SLC28A1: variants seen among roughly 807,000 people sequenced by gnomAD.
The protein encoded by SLC28A1 is sodium/nucleoside cotransporter 1.
SLC28A1 carries 64 observed loss-of-function variants against 74.8 expected under a neutral mutation model. The observed-to-expected ratio is 0.86, with a 90% CI of 0.70 to 1.05. SLC28A1 has a LOEUF of 1.05. Ranked by LOEUF, SLC28A1 falls within the 50% of genes least tolerant of loss-of-function variation. The probability of loss-of-function intolerance (pLI) is 0.00; values close to 1 mark genes in which losing one functional copy is unlikely to be tolerated. For synonymous variants in SLC28A1, 359 were observed against 335.0 expected, an observed-to-expected ratio of 1.07 and a Z score of -0.78; for missense variants, 828 against 822.8, an observed-to-expected ratio of 1.01 and a Z score of -0.08.
At chr15:84,899,936 A>AAGGAAGG (rs1567129840) in intron 6 of SLC28A1, among the ~76,000 whole-genome samples, 1 of 70,860 alleles carries the variant, frequency 1.4e-5, no homozygotes, top group Non-Finnish European at 3.5e-5. Context: ...GGAAAGAAAG[A>AAGGAAGG]AAGAAAGGAA....
chr15:84,944,604 A>T lies in SLC28A1; in HGVS notation c.1702A>T (p.Ile568Leu). The change falls in exon 17 of 19, where the codon ATA (isoleucine) becomes TTA (leucine). Residue 568 changes from isoleucine (I) to leucine (L), a missense_variant. Physicochemically the swap from Ile to Leu is conservative, Grantham distance 5. Coordinates refer to ENST00000394573, the MANE Select transcript of SLC28A1 (RefSeq NM_004213.5). ...VPQRKSDFSQ[I>L]VLRALFTGAC... is the part of the protein sequence containing the mutation. The stretch of plus-strand genomic sequence containing the variant: ...CCAACGGAAGAGCGACTTCTCCCAG[A>T]TAGTGCTCCGGGCGCTCTTCACGGG... 1.2e-6 allele frequency: 2 copies of T among 1,614,102 alleles called. No individual in the cohort carries two copies. The highest frequency in any genetic ancestry group is 2.2e-5 in the East Asian group (1 of 44,872).
Position 84,935,535 on chromosome 15 carries a change from C to G in SLC28A1, c.1581+17C>G. The G allele has an allele frequency of 6.2e-7, 1 of 1,606,670 alleles. No homozygotes were observed. Among genetic ancestry groups the G allele is most frequent in the Non-Finnish European group, 8.5e-7 (1 of 1,176,132 alleles). On this transcript the variant is annotated intron_variant, in intron 15 of 18. Transcript: ENST00000394573. ...TGGATCTCCGTGAGTGTCCCAGTCC[C>G]TTCCCTGCAGCAGGGGGATGACACG...
chr15:84,947,977 T>A (rs749414704), downstream of SLC28A1, among the ~76,000 whole-genome samples: 12 of 150,042 alleles, frequency 8.0e-5, no homozygotes, highest in Admixed American at 1.3e-4. Flanking sequence ...TTTAATAGTT[T>A]ATTTTTTAAA....
rs17222393 is a variant in SLC28A1 at position 84,935,523 on chromosome 15, G to A, written c.1581+5G>A. Reference sequence around the variant, plus strand: ...GACAGGAAGCAGTGGATCTCCGTGAGTGTCCCAGTCCCTTCCCTGCAGCAG... The same window carrying A: ...GACAGGAAGCAGTGGATCTCCGTGAATGTCCCAGTCCCTTCCCTGCAGCAG... On this transcript the variant is annotated splice_donor_5th_base_variant and intron_variant, in intron 15 of 18. Coordinates refer to ENST00000394573, the MANE Select transcript of SLC28A1 (RefSeq NM_004213.5). The A allele has an allele frequency of 1.3e-4, 213 of 1,611,442 alleles. 3 individuals carry two copies. The South Asian group carries it at 2.0e-3, about 15-fold the overall frequency.
At chr15:84,888,190 G>A (rs1015587067) in intron 3 of SLC28A1, among the ~76,000 whole-genome samples, 3 of 152,112 alleles carry the variant, frequency 2.0e-5, no homozygotes, top group Admixed American at 1.3e-4. Flanking sequence ...CCAGATGATG[G>A]GGGAGGGGGG....
Position 84,886,742 on chromosome 15 carries a change from G to A in SLC28A1, c.-62G>A, listed in dbSNP as rs755210278. The A allele has an allele frequency of 6.1e-6, 6 of 985,366 alleles. No homozygotes were observed. In the East Asian group the frequency reaches 3.4e-4, roughly 56 times the overall value. 61.0% of individuals were successfully genotyped at this position (985,366 alleles called of 1,614,324 possible). A position where few individuals can be genotyped will look rare whatever the true frequency, so the allele number is the denominator to read the frequency against. ...GGACCCAGCTTGTCCCCACAGAGAC[G>A]TGTGCTTCCCTCTCTCTCTGAGAGC... On this transcript the variant is annotated 5_prime_UTR_variant, in exon 2 of 19. It adds an upstream start codon to the 5' untranslated region. Transcript: ENST00000394573.
At chr15:84,968,416 G>A in the SLC28A1 span, among the ~76,000 whole-genome samples, 14,292 of 152,238 alleles carry the variant, frequency 0.094, 971 homozygotes, top group African/African-American at 0.19. Flanking sequence ...TCACAAGGCT[G>A]TTGACAGAGG....
At chr15:84,937,463 G>T (rs1288086701) in intron 15 of SLC28A1, among the ~76,000 whole-genome samples, 1 of 152,146 alleles carries the variant, frequency 6.6e-6, no homozygotes, top group Admixed American at 6.5e-5. Context: ...TAAAAACAAG[G>T]TTCACTACTT....
At chr15:84,942,159 A>T (rs1972794159) in intron 15 of SLC28A1, among the ~76,000 whole-genome samples, 1 of 152,154 alleles carries the variant, frequency 6.6e-6, no homozygotes, top group Admixed American at 6.5e-5. Flanking sequence ...TTTTGTGGGT[A>T]TATAGTAGGT....
chr15:84,898,010 C>G (rs1417604925), intron 6 of SLC28A1, among the ~76,000 whole-genome samples: 1 of 151,998 alleles, frequency 6.6e-6, no homozygotes. Context: ...GTATATACAC[C>G]ACATTTTCTT....
At chr15:84,922,723 C>T (rs1157572268) in intron 11 of SLC28A1, among the ~76,000 whole-genome samples, 1 of 152,238 alleles carries the variant, frequency 6.6e-6, no homozygotes, top group African/African-American at 2.4e-5. Flanking sequence ...CCCCCTCTGC[C>T]TCTGTCTCAG....
At chr15:84,930,732 A>G (rs1421728136) in intron 12 of SLC28A1, among the ~76,000 whole-genome samples, 1 of 150,084 alleles carries the variant, frequency 6.7e-6, no homozygotes, top group Non-Finnish European at 1.5e-5. Flanking sequence ...CAGCCTCCCA[A>G]ATAGCTAGGA....
chr15:84,935,892 G>T (rs901997733), intron 15 of SLC28A1, among the ~76,000 whole-genome samples: 1 of 151,836 alleles, frequency 6.6e-6, no homozygotes, highest in Non-Finnish European at 1.5e-5. Flanking sequence ...AATGAGCTGG[G>T]AGAGTGAGAT....
chr15:84,907,126 GCTAT>G (rs1198132364), intron 8 of SLC28A1, among the ~76,000 whole-genome samples: 3 of 152,144 alleles, frequency 2.0e-5, no homozygotes, highest in Non-Finnish European at 2.9e-5. Context: ...TGGGGATTTG[GCTAT>G]CTGTCTCATT....
At chr15:84,900,319 G>C (rs7496182) in intron 6 of SLC28A1, among the ~76,000 whole-genome samples, 3,328 of 75,022 alleles carry the variant, frequency 0.044, 10 homozygotes, top group South Asian at 0.15. Flanking sequence ...GACAGAGTGA[G>C]ACACTGTCTC....
intron 10 of SLC28A1, among the ~76,000 whole-genome samples, chr15:84,920,172 G>A (rs985030428): frequency 1.3e-5 from 2 of 152,176 alleles, no homozygotes; most frequent in South Asian, 4.1e-4. Flanking sequence ...CTAGTTGGGC[G>A]TGGTGGCTCA....
chr15:84,919,008 A>C (rs1467243539), intron 10 of SLC28A1, among the ~76,000 whole-genome samples: 1 of 152,102 alleles, frequency 6.6e-6, no homozygotes, highest in Non-Finnish European at 1.5e-5. Flanking sequence ...CACAGAATCT[A>C]GTGCTGACCA....
At chr15:84,934,793 A>C (rs1199241861) in intron 13 of SLC28A1, among the ~76,000 whole-genome samples, 1 of 152,178 alleles carries the variant, frequency 6.6e-6, no homozygotes, top group Non-Finnish European at 1.5e-5. Context: ...CTCAATTCAG[A>C]CAGCCTCCTG....
At chr15:84,959,279 A>AT in the SLC28A1 span, among the ~76,000 whole-genome samples, 2 of 151,172 alleles carry the variant, frequency 1.3e-5, no homozygotes, top group African/African-American at 2.4e-5. Flanking sequence ...TAATTTTTGT[A>AT]TTTTTTATAG....
Sources: allele counts gnomAD v4.1 joint callset (sites outside exome capture counted in the v4.1 genomes callset), GRCh38; gene constraint gnomAD v4.1.1; transcripts MANE v1.5; gene names NCBI Gene and HGNC (gene_info 2026-07-23, HGNC 2026-07-21).